Variants in PRKCA observed in about 807,000 individuals in gnomAD.
The protein encoded by PRKCA is protein kinase C alpha type.
In PRKCA, 27 loss-of-function variants were observed where a neutral mutation model predicts 87.0. That is an observed-to-expected ratio of 0.31 (90% CI 0.23 to 0.43). The LOEUF (loss-of-function observed/expected upper bound fraction) is 0.43. Ranked by LOEUF, PRKCA falls within the 20% of genes least tolerant of loss-of-function variation. The probability of loss-of-function intolerance (pLI) is 1.00; values close to 1 mark genes in which losing one functional copy is unlikely to be tolerated. For missense variants in PRKCA, 518 were observed against 852.3 expected (o/e 0.61, Z 4.88); for synonymous variants, 329 against 311.1 (o/e 1.06, Z -0.61).
At chr17:66,392,127 G>C (rs1910397012) in intron 2 of PRKCA, among the ~76,000 whole-genome samples, 1 of 152,078 alleles carries the variant, frequency 6.6e-6, no homozygotes, top group Non-Finnish European at 1.5e-5. Context: ...CTACGCAGGA[G>C]GCTGAGGCAG....
rs369754186 is a variant in PRKCA, at chr17:66,802,187, A to G, written c.1855-1686A>G. On this transcript the variant is annotated intron_variant, in intron 16 of 16. Coordinates refer to ENST00000413366, the MANE Select transcript of PRKCA (RefSeq NM_002737.3). ...GTGAGTCGTGCTCCCACCACTGCAC[A>G]CCAGCCTGGGTGACAGAGTGAGACC... Among the ~76,000 whole-genome samples, 19 of 152,144 alleles carry G rather than the reference A, an allele frequency of 1.2e-4. No homozygotes were observed. In the East Asian group the frequency reaches 2.3e-3, roughly 19 times the overall value.
chr17:66,799,056 TGGTGG>T (rs1975791395), intron 16 of PRKCA, among the ~76,000 whole-genome samples: 1 of 138,292 alleles, frequency 7.2e-6, no homozygotes, highest in South Asian at 2.3e-4. Context: ...ATGGTGATGG[TGGTGG>T]TGGTGGTGGT....
intron 8 of PRKCA, among the ~76,000 whole-genome samples, chr17:66,726,435 A>G (rs1555641215): frequency 6.6e-6 from 1 of 152,180 alleles, no homozygotes; most frequent in Non-Finnish European, 1.5e-5. Flanking sequence ...GTCAGGTGGC[A>G]ACGGTTTCCG....
At chr17:66,659,794 A>G (rs1374732636) in intron 5 of PRKCA, among the ~76,000 whole-genome samples, 1 of 152,168 alleles carries the variant, frequency 6.6e-6, no homozygotes, top group East Asian at 1.9e-4. Context: ...GGGTCCGTGC[A>G]CCCCATGCAG....
chr17:66,637,316 G>A lies in PRKCA; in HGVS notation c.289-4039G>A, dbSNP rs187619037. Among the ~76,000 whole-genome samples the A allele has an allele frequency of 1.1e-3, 170 of 152,242 alleles. 1 individual carries two copies. The highest frequency in any genetic ancestry group is 3.8e-3 in the African/African-American group (156 of 41,532). On this transcript the variant is annotated intron_variant, in intron 3 of 16. Transcript: ENST00000413366. ...ATTTAGTGCCATTTGTTGATGCCTCGTTTCTGCAGGGAAAACTGGTTCCTT... is the reference window on the plus strand; with the variant it reads ...ATTTAGTGCCATTTGTTGATGCCTCATTTCTGCAGGGAAAACTGGTTCCTT...
At chr17:66,325,520 A>G (rs1042330180) in intron 2 of PRKCA, among the ~76,000 whole-genome samples, 3 of 152,200 alleles carry the variant, frequency 2.0e-5, no homozygotes, top group African/African-American at 7.2e-5. Context: ...TTGACCTTAT[A>G]GGAACCATAA....
intron 2 of PRKCA, among the ~76,000 whole-genome samples, chr17:66,343,707 T>C (rs778989236): frequency 6.6e-6 from 1 of 151,806 alleles, no homozygotes; most frequent in Non-Finnish European, 1.5e-5. Flanking sequence ...AGATTAGATA[T>C]AAAGGGGGGG....
chr17:66,427,818 C>G (rs1912893731), intron 2 of PRKCA, among the ~76,000 whole-genome samples: 1 of 152,132 alleles, frequency 6.6e-6, no homozygotes, highest in Non-Finnish European at 1.5e-5. Context: ...AATTTATTGG[C>G]ATAAATTAAA....
intron 2 of PRKCA, among the ~76,000 whole-genome samples, chr17:66,469,181 C>T (rs750000478): frequency 6.6e-6 from 1 of 152,164 alleles, no homozygotes; most frequent in Non-Finnish European, 1.5e-5. Context: ...CCCTCCTCTA[C>T]CCCCAGCCAG....
intron 3 of PRKCA, among the ~76,000 whole-genome samples, chr17:66,503,295 C>A (rs992431802): frequency 6.6e-6 from 1 of 152,184 alleles, no homozygotes; most frequent in Non-Finnish European, 1.5e-5. Context: ...TATGTTTGAA[C>A]CGTCCCGTTG....
chr17:66,752,972 C>G (rs867466638), intron 13 of PRKCA, among the ~76,000 whole-genome samples: 1 of 152,232 alleles, frequency 6.6e-6, no homozygotes, highest in Non-Finnish European at 1.5e-5. Context: ...AGCAAACTTT[C>G]TCTGCCAGGG....
intron 3 of PRKCA, among the ~76,000 whole-genome samples, chr17:66,617,043 A>G (rs1970537816): frequency 6.6e-6 from 1 of 152,236 alleles, no homozygotes. Flanking sequence ...AACACAGAAC[A>G]TTTATAAAAT....
In PRKCA at chr17:66,562,059, A is replaced by AATATATATAATTAAATT. The variant is rs1389889009; in HGVS notation, c.288+65793_288+65809dup. On this transcript the variant is annotated intron_variant, in intron 3 of 16. Coordinates refer to ENST00000413366, the MANE Select transcript of PRKCA (RefSeq NM_002737.3). ...GTCAATTTAATTATATATATAATTA[A>AATATATATAATTAAATT]ATATATATAATTAAATTATATATAT... 5.4e-3 allele frequency among the ~76,000 whole-genome samples: 663 copies of AATATATATAATTAAATT among 122,984 alleles called. 14 individuals carry two copies. The highest frequency in any genetic ancestry group is 9.9e-3 in the Non-Finnish European group (545 of 54,890). The allele number at this position is 122,984 out of a possible 152,430, so 80.7% of individuals were successfully genotyped here.
intron 2 of PRKCA, among the ~76,000 whole-genome samples, chr17:66,412,180 TC>T (rs1360052071): frequency 6.6e-6 from 1 of 151,932 alleles, no homozygotes; most frequent in African/African-American, 2.4e-5. Context: ...CAGGTGATCC[TC>T]CCACCTCAGC....
Position 66,574,384 on chromosome 17 carries a change from A to G in PRKCA, c.289-66971A>G, listed in dbSNP as rs149057323. Among the ~76,000 whole-genome samples the G allele has an allele frequency of 6.6e-5, 10 of 152,250 alleles. No individual in the cohort carries two copies. In the East Asian group the frequency reaches 1.5e-3, roughly 23 times the overall value. ...AACCTCTAACCCTCAGTCAGTCTCT[A>G]TATTTTTAAATGGGGACGACAATAA... On this transcript the variant is annotated intron_variant, in intron 3 of 16. Transcript: ENST00000413366.
chr17:66,619,470 G>A (rs574067533), intron 3 of PRKCA, among the ~76,000 whole-genome samples: 1 of 152,324 alleles, frequency 6.6e-6, no homozygotes, highest in Admixed American at 6.5e-5. Flanking sequence ...GGAAGGAAGT[G>A]ACAGTTGGAT....
intron 2 of PRKCA, among the ~76,000 whole-genome samples, chr17:66,421,428 G>GTTTTTTTTTTTTTTTTTTTTTTTTTTT (rs55825622): frequency 8.6e-6 from 1 of 116,906 alleles, no homozygotes; most frequent in Non-Finnish European, 1.8e-5. Context: ...CACAGCCTCT[G>GTTTTTTTTTTTTTTTTTTTTTTTTTTT]TTTTTTTTTT....
chr17:66,787,104 G>A (rs570305912), intron 15 of PRKCA, 130 bp downstream of exon 15: 1 of 829,070 alleles, frequency 1.2e-6, no homozygotes, highest in Non-Finnish European at 2.2e-6. Context: ...GCCATCGAGG[G>A]TTGGGGCTTG....
chr17:66,579,643 G>A (rs1170671736), intron 3 of PRKCA, among the ~76,000 whole-genome samples: 1 of 152,162 alleles, frequency 6.6e-6, no homozygotes, highest in Non-Finnish European at 1.5e-5. Flanking sequence ...TGGGTCCCGG[G>A]ATCAAGCTGC....
Sources: gnomAD v4.1 joint callset for allele counts (sites outside exome capture counted in the v4.1 genomes callset) on GRCh38, gnomAD v4.1.1 for gene constraint, MANE v1.5 for transcripts, NCBI Gene and HGNC (gene_info 2026-07-23, HGNC 2026-07-21) for gene names.